IL1RAP: variants seen among roughly 807,000 people sequenced by gnomAD.
IL1RAP encodes the protein interleukin 1 receptor accessory protein, also known as interleukin-1 receptor accessory protein.
In IL1RAP, 35 loss-of-function variants were observed where a neutral mutation model predicts 60.7. The ratio of observed to expected loss-of-function variants is 0.58; its 90% confidence interval spans 0.44 to 0.76. IL1RAP has a LOEUF of 0.76. Ranked by LOEUF, IL1RAP falls within the 30% of genes least tolerant of loss-of-function variation. IL1RAP has a pLI of 0.00. For missense variants in IL1RAP, 572 were observed against 693.9 expected, an observed-to-expected ratio of 0.82 and a Z score of 1.97; for synonymous variants, 268 against 250.9, an observed-to-expected ratio of 1.07 and a Z score of -0.64.
chr3:190,587,907 T>C (rs1026748215), intron 3 of IL1RAP, among the ~76,000 whole-genome samples: 2 of 152,188 alleles, frequency 1.3e-5, no homozygotes, highest in African/African-American at 4.8e-5. Flanking sequence ...AATGGGGCAA[T>C]ATCCTCTATA....
intron 1 of IL1RAP, chr3:190,520,634 TC>T (rs1168334397): frequency 6.6e-6 from 1 of 152,188 alleles, no homozygotes; most frequent in Non-Finnish European, 1.5e-5. Context: ...GCAATGAGCT[TC>T]GATCTCAAGA....
chr3:190,656,399 G>T (rs1273929949), downstream of IL1RAP: 12 of 1,537,230 alleles, frequency 7.8e-6, no homozygotes, highest in Non-Finnish European at 9.6e-6. Flanking sequence ...TACTGTGAAG[G>T]AGAGAATCAC....
At chr3:190,531,907 C>T (rs540237360) in intron 1 of IL1RAP, among the ~76,000 whole-genome samples, 7 of 152,246 alleles carry the variant, frequency 4.6e-5, no homozygotes, top group South Asian at 2.1e-4. Flanking sequence ...CAAGCTTTCG[C>T]AGCAGCCATT....
intron 11 of IL1RAP, among the ~76,000 whole-genome samples, chr3:190,647,985 G>A (rs1734155833): frequency 6.6e-6 from 1 of 152,180 alleles, no homozygotes. Context: ...TAGACCATAA[G>A]ATGCCACACA....
rs548922914 is a variant in IL1RAP at position 190,515,034 on chromosome 3, C to T, written c.-89+815C>T. ...AGCTAGCCCACAGCCTGTCTTCCCT[C>T]CACCTTCTGGTTGTGAAATTGTGAA... On this transcript the variant is annotated intron_variant, in intron 1 of 11. Coordinates refer to ENST00000447382, the MANE Select transcript of IL1RAP (RefSeq NM_002182.4). Among the ~76,000 whole-genome samples, 8 of 152,282 alleles carry T rather than the reference C, an allele frequency of 5.3e-5. No individual in the cohort carries two copies. The South Asian group carries it at 1.7e-3, about 32-fold the overall frequency.
intron 1 of IL1RAP, among the ~76,000 whole-genome samples, chr3:190,514,925 T>G (rs1259322967): frequency 6.6e-6 from 1 of 152,208 alleles, no homozygotes; most frequent in Non-Finnish European, 1.5e-5. Context: ...CCCTTCCCTC[T>G]TCTAAATACT....
intron 1 of IL1RAP, among the ~76,000 whole-genome samples, chr3:190,553,004 G>A (rs951249029): frequency 7.2e-5 from 11 of 152,172 alleles, no homozygotes; most frequent in African/African-American, 2.4e-4. Flanking sequence ...TCAGAGCAAG[G>A]AAAATCCAAT....
chr3:190,659,669 C>A (rs926300944), exon 12 of IL1RAP: 9 of 152,304 alleles, frequency 5.9e-5, no homozygotes, highest in African/African-American at 1.7e-4. Flanking sequence ...GTGAGTCCTA[C>A]TTCTCTCCTA....
At chr3:190,618,484 G>A (rs1033881939) in intron 5 of IL1RAP, among the ~76,000 whole-genome samples, 4 of 152,168 alleles carry the variant, frequency 2.6e-5, no homozygotes, top group African/African-American at 9.7e-5. Flanking sequence ...GCTCTCTACT[G>A]TGTTATCTAG....
In IL1RAP at chr3:190,627,311, T is replaced by G. The variant is rs543942419; in HGVS notation, c.776-12T>G. ...TTTTTGTTTTTTTTGTTTTTTTGGT[T>G]TTTTTTTTCAGGAGAGGAGCTACTC... On this transcript the variant is annotated splice_polypyrimidine_tract_variant and intron_variant, in intron 7 of 11. Coordinates refer to ENST00000447382, the MANE Select transcript of IL1RAP (RefSeq NM_002182.4). The G allele has an allele frequency of 1.1e-5, 16 of 1,406,012 alleles. No individual in the cohort carries two copies. The highest frequency in any genetic ancestry group is 1.0e-4 in the East Asian group (4 of 39,108). 87.1% of individuals were successfully genotyped at this position (1,406,012 alleles called of 1,614,324 possible). A position where few individuals can be genotyped will look rare whatever the true frequency, so the allele number is the denominator to read the frequency against.
At chr3:190,605,899 T>C (rs1387892338) in intron 4 of IL1RAP, among the ~76,000 whole-genome samples, 2 of 152,152 alleles carry the variant, frequency 1.3e-5, no homozygotes, top group African/African-American at 4.8e-5. Context: ...TAAATTGGGG[T>C]TGGGTGACAC....
At chr3:190,610,293 C>G (rs1441133037) in intron 5 of IL1RAP, among the ~76,000 whole-genome samples, 1 of 151,674 alleles carries the variant, frequency 6.6e-6, no homozygotes, top group Non-Finnish European at 1.5e-5. Flanking sequence ...ACTACTATTT[C>G]CTAAGTGAGC....
chr3:190,543,313 G>A (rs999521176), intron 1 of IL1RAP, among the ~76,000 whole-genome samples: 4 of 152,130 alleles, frequency 2.6e-5, no homozygotes, highest in African/African-American at 9.7e-5. Flanking sequence ...GAAACAGCCT[G>A]TAGAATCACT....
At chr3:190,615,782 G>A (rs1479736167) in intron 5 of IL1RAP, among the ~76,000 whole-genome samples, 4 of 152,046 alleles carry the variant, frequency 2.6e-5, no homozygotes, top group Non-Finnish European at 4.4e-5. Flanking sequence ...TGCTCTTCCA[G>A]ACTAAGTGCT....
At chr3:190,617,546 G>A (rs1413413745) in intron 5 of IL1RAP, among the ~76,000 whole-genome samples, 1 of 152,128 alleles carries the variant, frequency 6.6e-6, no homozygotes, top group East Asian at 1.9e-4. Flanking sequence ...TCAGACAAGT[G>A]TTTGCTTTAT....
At position 190,577,729 on chromosome 3, in the gene IL1RAP, G is replaced by A. The variant is rs1010448419; in HGVS notation, c.64+13376G>A. Among the ~76,000 whole-genome samples, 9 of 151,900 alleles carry A rather than the reference G, an allele frequency of 5.9e-5. No individual in the cohort carries two copies. The South Asian group carries it at 8.3e-4, about 14-fold the overall frequency. ...AATTTTTTTGTGGAGATGGGGTCTCGCTATGTTGCCCAGGTTGGTCTTGAA... is the reference window on the plus strand; with the variant it reads ...AATTTTTTTGTGGAGATGGGGTCTCACTATGTTGCCCAGGTTGGTCTTGAA... On this transcript the variant is annotated intron_variant, in intron 3 of 11. Transcript: ENST00000447382.
chr3:190,519,445 G>C (rs910101737), intron 1 of IL1RAP, among the ~76,000 whole-genome samples: 9 of 152,134 alleles, frequency 5.9e-5, no homozygotes, highest in Non-Finnish European at 1.2e-4. Context: ...GAGGCTCAGA[G>C]AGACTTATAG....
chr3:190,609,258 A>G, intron 5 of IL1RAP, 77 bp downstream of exon 5: 1 of 1,019,782 alleles, frequency 9.8e-7, no homozygotes, highest in South Asian at 1.7e-5. Flanking sequence ...AGTTATATTT[A>G]TAAGCAAAGG....
chr3:190,624,034 G>T (rs916490540), intron 7 of IL1RAP, among the ~76,000 whole-genome samples: 1 of 152,114 alleles, frequency 6.6e-6, no homozygotes, highest in African/African-American at 2.4e-5. Flanking sequence ...TTTCTATGTT[G>T]TATCACTTAC....
Sources: gnomAD v4.1 joint callset for allele counts (sites outside exome capture counted in the v4.1 genomes callset) on GRCh38, gnomAD v4.1.1 for gene constraint, MANE v1.5 for transcripts, NCBI Gene and HGNC (gene_info 2026-07-23, HGNC 2026-07-21) for gene names.